NELL2: variants seen among roughly 807,000 people sequenced by gnomAD.
The protein encoded by NELL2 is protein kinase C-binding protein NELL2.
In NELL2, 41 loss-of-function variants were observed where a neutral mutation model predicts 109.6. That is an observed-to-expected ratio of 0.37 (90% CI 0.29 to 0.49). The LOEUF is 0.49. Among genes scored for constraint, NELL2 ranks in the 20% least tolerant of loss-of-function variants. The probability of loss-of-function intolerance (pLI) is 0.98; values close to 1 mark genes in which losing one functional copy is unlikely to be tolerated. For missense variants in NELL2, 900 were observed against 1,008.3 expected (o/e 0.89, Z 1.45); for synonymous variants, 355 against 344.7 (o/e 1.03, Z -0.33).
chr12:44,695,104 G>A (rs887941098), intron 12 of NELL2, among the ~76,000 whole-genome samples: 7 of 149,676 alleles, frequency 4.7e-5, no homozygotes, highest in African/African-American at 1.5e-4. Flanking sequence ...GAGAGGGGGA[G>A]GGAGGAAAGA....
intron 5 of NELL2, among the ~76,000 whole-genome samples, chr12:44,778,087 C>G (rs1941820923): frequency 6.6e-6 from 1 of 152,140 alleles, no homozygotes; most frequent in African/African-American, 2.4e-5. Context: ...CCACACTCCC[C>G]CCATTTCTTC....
At chr12:44,582,488 T>C (rs545185082) in intron 15 of NELL2, among the ~76,000 whole-genome samples, 10 of 152,168 alleles carry the variant, frequency 6.6e-5, no homozygotes, top group Non-Finnish European at 2.9e-5. Context: ...GAAATCAAGC[T>C]GGGTATTAGA....
At chr12:44,817,249 A>G (rs775754020) in intron 2 of NELL2, among the ~76,000 whole-genome samples, 10 of 152,208 alleles carry the variant, frequency 6.6e-5, no homozygotes, top group Non-Finnish European at 1.5e-4. Flanking sequence ...AATGCAGCAG[A>G]AACTTAGTTG....
rs1439301860 is a variant in NELL2, at chr12:44,791,224, A to ATATC, written c.336-11203_336-11202insGATA. ...TATATATATATATATATATATATATATATGATGGAATACTACTCAGCCATA... is the reference window on the plus strand; with the variant it reads ...TATATATATATATATATATATATATATATCTATGATGGAATACTACTCAGCCATA... On this transcript the variant is annotated intron_variant, in intron 3 of 19. Transcript: ENST00000429094. Among the ~76,000 whole-genome samples the ATATC allele has an allele frequency of 2.5e-3, 235 of 95,118 alleles. 2 individuals are homozygous for ATATC. Among genetic ancestry groups the ATATC allele is most frequent in the Middle Eastern group, 5.1e-3 (1 of 198 alleles). 62.4% of individuals were successfully genotyped at this position (95,118 alleles called of 152,430 possible). A position where few individuals can be genotyped will look rare whatever the true frequency, so the allele number is the denominator to read the frequency against.
At chr12:44,702,422 A>C (rs1220488528) in intron 12 of NELL2, among the ~76,000 whole-genome samples, 1 of 152,184 alleles carries the variant, frequency 6.6e-6, no homozygotes, top group Admixed American at 6.6e-5. Context: ...TAGCATCAAA[A>C]GCAGCTCAAA....
At position 44,713,215 on chromosome 12, in the gene NELL2, C is replaced by CAGAG. The variant is rs1345389294; in HGVS notation, c.1086+1431_1086+1434dup. The stretch of plus-strand genomic sequence containing the variant: ...ACACACACACACACACACACACACA[C>CAGAG]AGAGAGAGACAGAGAGAGAGAGAGA... On this transcript the variant is annotated intron_variant, in intron 10 of 19. Coordinates refer to ENST00000429094, the MANE Select transcript of NELL2 (RefSeq NM_001145108.2). 3.0e-3 allele frequency among the ~76,000 whole-genome samples: 429 copies of CAGAG among 143,276 alleles called. 6 individuals carry two copies. Among genetic ancestry groups the CAGAG allele is most frequent in the African/African-American group, 8.7e-3 (311 of 35,772 alleles). 94.0% of individuals were successfully genotyped at this position (143,276 alleles called of 152,430 possible).
intron 2 of NELL2, among the ~76,000 whole-genome samples, chr12:44,826,110 C>T (rs1943703311): frequency 6.6e-6 from 1 of 152,084 alleles, no homozygotes; most frequent in Admixed American, 6.6e-5. Context: ...GGAATTTGTC[C>T]ATCTTCCAAT....
chr12:44,793,604 C>G (rs185635101), intron 3 of NELL2, among the ~76,000 whole-genome samples: 1 of 152,240 alleles, frequency 6.6e-6, no homozygotes, highest in Admixed American at 6.5e-5. Flanking sequence ...CAATAACAGC[C>G]ATTAAGGAGT....
At chr12:44,876,683 G>T (rs1435432212), upstream of NELL2, 3 of 1,550,802 alleles carry the variant, frequency 1.9e-6, no homozygotes, top group East Asian at 2.4e-5. Context: ...AGGCTGGAGC[G>T]AGTAGCGCTC....
chr12:44,729,102 G>A (rs955564966), intron 9 of NELL2, among the ~76,000 whole-genome samples: 5 of 151,874 alleles, frequency 3.3e-5, no homozygotes, highest in Admixed American at 3.3e-4. Flanking sequence ...CTCCAACAGT[G>A]GTGTATATAT....
At chr12:44,910,407 A>G (rs950338542) in intron 1 of NELL2, among the ~76,000 whole-genome samples, 1 of 152,050 alleles carries the variant, frequency 6.6e-6, no homozygotes, top group African/African-American at 2.4e-5. Context: ...CAAAACCACA[A>G]TGAGATACCA....
intron 3 of NELL2, among the ~76,000 whole-genome samples, chr12:44,786,625 C>G (rs922119589): frequency 2.0e-5 from 3 of 152,052 alleles, no homozygotes; most frequent in African/African-American, 7.3e-5. Context: ...TGGAACCAAC[C>G]CAAATGCCCA....
chr12:44,816,946 C>T (rs1311421387), intron 2 of NELL2, among the ~76,000 whole-genome samples: 1 of 152,226 alleles, frequency 6.6e-6, no homozygotes, highest in African/African-American at 2.4e-5. Context: ...GCTAACTGAG[C>T]ATAGGCTCTC....
chr12:44,508,731 G>A lies in NELL2; in HGVS notation c.*203C>T, dbSNP rs1006298772. The A allele has an allele frequency of 5.2e-6, 3 of 579,370 alleles. No homozygotes were observed. Among genetic ancestry groups the A allele is most frequent in the East Asian group, 6.0e-5 (2 of 33,546 alleles). The allele number at this position is 579,370 out of a possible 1,614,324, so 35.9% of individuals were successfully genotyped here. On this transcript the variant is annotated 3_prime_UTR_variant, in exon 20 of 20. Transcript: ENST00000429094. ...GGTGATGTGAGACACAGTAGAGGCA[G>A]ACTTGAGGTCTAATTTTGCCCCAGT...
chr12:44,613,315 C>T (rs1449638011), intron 13 of NELL2, among the ~76,000 whole-genome samples: 1 of 151,884 alleles, frequency 6.6e-6, no homozygotes, highest in East Asian at 1.9e-4. Flanking sequence ...ATTTTTAGAC[C>T]AGATTTTTGT....
At chr12:44,865,819 A>AAAAGTT in intron 2 of NELL2, among the ~76,000 whole-genome samples, 1 of 55,992 alleles carries the variant, frequency 1.8e-5, no homozygotes, top group Non-Finnish European at 4.8e-5. Flanking sequence ...ATAATAAAAA[A>AAAAGTT]AAAAATTAAA....
At chr12:44,528,397 C>T (rs1941901616) in intron 16 of NELL2, among the ~76,000 whole-genome samples, 1 of 152,124 alleles carries the variant, frequency 6.6e-6, no homozygotes, top group Non-Finnish European at 1.5e-5. Flanking sequence ...GGGCTGAACA[C>T]TCGTGAATGC....
chr12:44,570,074 C>G (rs1384753127), intron 15 of NELL2, among the ~76,000 whole-genome samples: 1 of 151,976 alleles, frequency 6.6e-6, no homozygotes, highest in Non-Finnish European at 1.5e-5. Context: ...TTAAAAGTAC[C>G]CTGTCTATGG....
At chr12:44,714,460 T>C (rs111761517) in intron 10 of NELL2, among the ~76,000 whole-genome samples, 190 bp downstream of exon 10, 1 of 151,990 alleles carries the variant, frequency 6.6e-6, no homozygotes, top group African/African-American at 2.4e-5. Flanking sequence ...CTTGGAAAAA[T>C]TATTTTTCAA....
Sources: allele counts gnomAD v4.1 joint callset (sites outside exome capture counted in the v4.1 genomes callset), GRCh38; gene constraint gnomAD v4.1.1; transcripts MANE v1.5; gene names NCBI Gene and HGNC (gene_info 2026-07-23, HGNC 2026-07-21).